SPOCK3: variants seen among roughly 807,000 people sequenced by gnomAD.
The protein encoded by SPOCK3 is testican-3.
In SPOCK3, 30 loss-of-function variants were observed where a neutral mutation model predicts 56.6. The ratio of observed to expected loss-of-function variants is 0.53; its 90% CI spans 0.40 to 0.72. The LOEUF (loss-of-function observed/expected upper bound fraction) is 0.72, where lower values mean the gene tolerates loss of function less well. SPOCK3 is among the 30% of genes least tolerant of loss of function. The pLI, the probability that SPOCK3 is intolerant of heterozygous loss-of-function variation, is 0.00. For missense variants in SPOCK3, 527 were observed against 530.0 expected, an observed-to-expected ratio of 0.99 and a Z score of 0.06; for synonymous variants, 196 against 183.3, an observed-to-expected ratio of 1.07 and a Z score of -0.56.
intron 2 of SPOCK3, among the ~76,000 whole-genome samples, chr4:167,194,349 C>A (rs1463292131): frequency 8.7e-6 from 1 of 115,582 alleles, no homozygotes; most frequent in Non-Finnish European, 1.8e-5. Flanking sequence ...TACATGCATT[C>A]TCTTGCATCT....
intron 2 of SPOCK3, among the ~76,000 whole-genome samples, chr4:167,123,936 A>G (rs1762075730): frequency 1.3e-5 from 2 of 151,684 alleles, no homozygotes; most frequent in Admixed American, 1.3e-4. Flanking sequence ...TAGTACAGAC[A>G]GGGTTTCACC....
chr4:167,105,394 T>C (rs1392701984), intron 2 of SPOCK3, among the ~76,000 whole-genome samples: 3 of 150,782 alleles, frequency 2.0e-5, no homozygotes, highest in Non-Finnish European at 3.0e-5. Flanking sequence ...AAAATAATCA[T>C]TTATAATATA....
intron 2 of SPOCK3, among the ~76,000 whole-genome samples, chr4:167,196,444 AG>A (rs1447395515): frequency 6.6e-6 from 1 of 152,184 alleles, no homozygotes; most frequent in Admixed American, 6.5e-5. Context: ...AAACTTCACT[AG>A]GTCCTTAAAT....
At chr4:167,071,239 T>C (rs6819117) in intron 2 of SPOCK3, among the ~76,000 whole-genome samples, 152,139 of 152,152 alleles carry the variant, frequency 1, 76,063 homozygotes, top group Non-Finnish European at 1. Flanking sequence ...AAATTAAGAA[T>C]CTTTTGTTTG....
intron 2 of SPOCK3, among the ~76,000 whole-genome samples, chr4:167,139,817 T>C (rs1482318659): frequency 1.3e-5 from 2 of 152,112 alleles, no homozygotes. Context: ...ATTAGTACTC[T>C]AACTTAGCTG....
intron 2 of SPOCK3, among the ~76,000 whole-genome samples, chr4:167,096,783 T>C (rs1172292058): frequency 6.6e-6 from 1 of 151,912 alleles, no homozygotes; most frequent in African/African-American, 2.4e-5. Flanking sequence ...AGTTGATTAA[T>C]ACTATTGTAC....
chr4:167,151,222 G>A (rs999972882), intron 2 of SPOCK3, among the ~76,000 whole-genome samples: 9 of 152,084 alleles, frequency 5.9e-5, no homozygotes, highest in East Asian at 3.9e-4. Flanking sequence ...ATTGCAACGC[G>A]TAGTCGAGTT....
At chr4:167,051,933 T>C (rs911744724) in intron 3 of SPOCK3, among the ~76,000 whole-genome samples, 1 of 152,232 alleles carries the variant, frequency 6.6e-6, no homozygotes, top group Non-Finnish European at 1.5e-5. Context: ...TCCTGCTCTA[T>C]ATATTTGATT....
chr4:166,964,381 C>A (rs1008889334), intron 4 of SPOCK3, among the ~76,000 whole-genome samples: 2 of 151,694 alleles, frequency 1.3e-5, no homozygotes, highest in East Asian at 1.9e-4. Flanking sequence ...AGATATTTTA[C>A]AGTATTCTCC....
intron 2 of SPOCK3, among the ~76,000 whole-genome samples, chr4:167,193,522 C>T (rs1012534616): frequency 6.9e-6 from 1 of 145,692 alleles, no homozygotes; most frequent in Non-Finnish European, 1.5e-5. Context: ...TGCCTTTTAA[C>T]TTTTTAATAA....
At chr4:166,839,908 C>T (rs536689513) in intron 6 of SPOCK3, among the ~76,000 whole-genome samples, 7 of 152,276 alleles carry the variant, frequency 4.6e-5, no homozygotes, top group African/African-American at 1.7e-4. Flanking sequence ...TAAAGAGGGG[C>T]TAATTTCACT....
intron 2 of SPOCK3, among the ~76,000 whole-genome samples, chr4:167,129,571 T>C (rs1213912028): frequency 1.4e-5 from 2 of 147,124 alleles, no homozygotes; most frequent in African/African-American, 5.5e-5. Context: ...GTTTCTTTCT[T>C]TTTTTTTCAG....
rs182971364 is a variant in SPOCK3, at chr4:167,107,587, C to A, written c.190-45050G>T. ...AAAGCCTTTCCTCTAAGATTGGGAA[C>A]ACGGTAAGGATGCCCACTGTCACCA... is the stretch of plus-strand genomic sequence containing the variant. On this transcript the variant is annotated intron_variant, in intron 2 of 10. Transcript: ENST00000357545. 3.0e-3 allele frequency among the ~76,000 whole-genome samples: 449 copies of A among 151,898 alleles called. 3 individuals are homozygous for A. The highest frequency in any genetic ancestry group is 0.01 in the African/African-American group (432 of 41,512).
At chr4:167,000,594 T>C (rs1748851836) in intron 3 of SPOCK3, 131 bp from the exon 4 acceptor site, 1 of 538,074 alleles carries the variant, frequency 1.9e-6, no homozygotes, top group South Asian at 2.5e-5. Context: ...TCTTTCTCTA[T>C]TAAGAGAAAC....
intron 2 of SPOCK3, among the ~76,000 whole-genome samples, chr4:167,157,360 T>A (rs984080733): frequency 1.5e-4 from 23 of 152,046 alleles, no homozygotes; most frequent in African/African-American, 5.1e-4. Context: ...TAAAGCAATT[T>A]ACAATTTTTT....
intron 6 of SPOCK3, among the ~76,000 whole-genome samples, chr4:166,819,872 A>G (rs1744746426): frequency 6.6e-6 from 1 of 151,830 alleles, no homozygotes; most frequent in Admixed American, 6.6e-5. Context: ...GGCATGCACC[A>G]CCATGCCCAG....
At chr4:167,208,943 A>T (rs568898283) in intron 2 of SPOCK3, among the ~76,000 whole-genome samples, 7 of 152,160 alleles carry the variant, frequency 4.6e-5, no homozygotes, top group Non-Finnish European at 8.8e-5. Flanking sequence ...TACATATGCT[A>T]GTTAACTATT....
rs1055567397 is a variant in SPOCK3 at position 166,799,510 on chromosome 4, T to G, written c.590-7221A>C. On this transcript the variant is annotated intron_variant, in intron 6 of 10. Transcript: ENST00000357545. ...GGAAGGATTATGCCATCTGTGACTG[T>G]ATCCTGGACTTTGCTTGGGCATAGG... Among the ~76,000 whole-genome samples the G allele has an allele frequency of 8.5e-5, 13 of 152,316 alleles. 1 individual carries two copies. In the East Asian group the frequency reaches 1.7e-3, roughly 20 times the overall value.
intron 4 of SPOCK3, among the ~76,000 whole-genome samples, chr4:166,953,738 T>C (rs1743016243): frequency 6.6e-6 from 1 of 152,188 alleles, no homozygotes; most frequent in Non-Finnish European, 1.5e-5. Flanking sequence ...ATATACACCA[T>C]GGAATACTAT....
Sources: gnomAD v4.1 joint callset for allele counts (sites outside exome capture counted in the v4.1 genomes callset) on GRCh38, gnomAD v4.1.1 for gene constraint, MANE v1.5 for transcripts, NCBI Gene and HGNC (gene_info 2026-07-23, HGNC 2026-07-21) for gene names.